Variants in IDO2 observed in about 807,000 individuals in gnomAD.
IDO2 encodes indoleamine 2,3-dioxygenase 2.
In IDO2, 46 loss-of-function variants were observed where a neutral mutation model predicts 45.1. The observed-to-expected ratio is 1.02, with a 90% CI of 0.80 to 1.30. IDO2 has a LOEUF of 1.30. IDO2 is among the 50% of genes most tolerant of loss of function. The pLI is 0.00. For synonymous variants in IDO2, 218 were observed against 184.9 expected (o/e 1.18, Z -1.45); for missense variants, 544 against 491.8 (o/e 1.11, Z -1.00).
At chr8:39,988,858 T>C (rs1460426880) in intron 7 of IDO2, among the ~76,000 whole-genome samples, 1 of 152,136 alleles carries the variant, frequency 6.6e-6, no homozygotes, top group African/African-American at 2.4e-5. Context: ...ATGTGTTTAG[T>C]CCATTAGAAG....
chr8:39,968,332 T>C (rs1327598670), intron 3 of IDO2, among the ~76,000 whole-genome samples: 1 of 152,176 alleles, frequency 6.6e-6, no homozygotes, highest in Non-Finnish European at 1.5e-5. Context: ...GGATTAAATA[T>C]AGCTTTATGG....
At chr8:39,978,239 A>C (rs1808291479) in intron 3 of IDO2, among the ~76,000 whole-genome samples, 1 of 152,054 alleles carries the variant, frequency 6.6e-6, no homozygotes, top group Non-Finnish European at 1.5e-5. Flanking sequence ...AGGACAACAA[A>C]AACACCCCCT....
intron 8 of IDO2, among the ~76,000 whole-genome samples, chr8:40,001,182 C>T (rs1563440118): frequency 6.6e-6 from 1 of 151,078 alleles, no homozygotes; most frequent in Non-Finnish European, 1.5e-5. Flanking sequence ...CTCTCTCTCT[C>T]TCTCTGTGTA....
intron 8 of IDO2, among the ~76,000 whole-genome samples, chr8:40,005,114 G>A (rs1239354773): frequency 6.6e-6 from 1 of 152,142 alleles, no homozygotes; most frequent in Admixed American, 6.6e-5. Context: ...AAATAGCAAA[G>A]GGCAACATAT....
At chr8:39,996,616 A>G (rs1409409259) in intron 8 of IDO2, among the ~76,000 whole-genome samples, 1 of 149,460 alleles carries the variant, frequency 6.7e-6, no homozygotes, top group Non-Finnish European at 1.5e-5. Flanking sequence ...CTTTATTTCT[A>G]CCATCTCTTG....
chr8:39,959,931 A>G (rs192206489), intron 2 of IDO2, among the ~76,000 whole-genome samples: 1 of 152,290 alleles, frequency 6.6e-6, no homozygotes, highest in Admixed American at 6.5e-5. Flanking sequence ...GTGAGCTGAG[A>G]TCGCACCACT....
At chr8:39,935,109 T>C in exon 1 of IDO2, 2 of 1,088,844 alleles carry the variant, frequency 1.8e-6, no homozygotes, top group Middle Eastern at 3.9e-4. Context: ...TGTACCATAA[T>C]ACAGAAGGCA....
rs767203401 is a variant in IDO2 at position 40,015,230 on chromosome 8, T to C, written c.869-17T>C. On this transcript the variant is annotated splice_polypyrimidine_tract_variant and intron_variant, in intron 10 of 10. Transcript: ENST00000502986. ...TCCATGTGGAGCTATGACGTTATGC[T>C]GTATTGTTTCTTTCAGGTGACTTTC... 3.6e-6 allele frequency: 5 copies of C among 1,384,672 alleles called. No individual in the cohort carries two copies. The highest frequency in any genetic ancestry group is 5.1e-6 in the Non-Finnish European group (5 of 985,060). The allele number at this position is 1,384,672 out of a possible 1,614,324, so 85.8% of individuals were successfully genotyped here. A position where few individuals can be genotyped will look rare whatever the true frequency, so the allele number is the denominator to read the frequency against.
rs1331062955 is a variant in IDO2, at chr8:39,988,112, C to G, written c.549+142C>G. The stretch of plus-strand genomic sequence containing the variant: ...TTAGTTCAAGTCTGAGAGAAGAGAT[C>G]TAAGCTCTAGGCCACCATATTTGCT... On this transcript the variant is annotated intron_variant, in intron 7 of 10. Transcript: ENST00000502986. The G allele has an allele frequency of 7.1e-6, 4 of 564,124 alleles. No individual in the cohort carries two copies. In the East Asian group the frequency reaches 1.1e-4, roughly 16 times the overall value. 34.9% of individuals were successfully genotyped at this position (564,124 alleles called of 1,614,324 possible).
At chr8:39,954,742 G>A (rs1180932059) in intron 2 of IDO2, among the ~76,000 whole-genome samples, 1 of 135,130 alleles carries the variant, frequency 7.4e-6, no homozygotes, top group East Asian at 2.2e-4. Flanking sequence ...TGCAACCTTT[G>A]CCTCCCGGGT....
chr8:39,937,440 T>G (rs1232692661), intron 1 of IDO2, among the ~76,000 whole-genome samples: 1 of 152,218 alleles, frequency 6.6e-6, no homozygotes, highest in Non-Finnish European at 1.5e-5. Flanking sequence ...TTTTGTTGGC[T>G]TAAAGGGAAT....
chr8:39,990,930 TAGG>T (rs1808489077), intron 8 of IDO2, among the ~76,000 whole-genome samples: 1 of 152,128 alleles, frequency 6.6e-6, no homozygotes, highest in South Asian at 2.1e-4. Flanking sequence ...TGTATGTGTT[TAGG>T]AGGATGTGAG....
intron 5 of IDO2, among the ~76,000 whole-genome samples, chr8:39,983,266 T>A (rs1042333683): frequency 2.0e-5 from 3 of 152,192 alleles, no homozygotes; most frequent in Non-Finnish European, 4.4e-5. Context: ...GGGCTGGGAA[T>A]AGGGGCATTT....
intron 5 of IDO2, among the ~76,000 whole-genome samples, chr8:39,984,107 A>G (rs1425572412): frequency 1.3e-5 from 2 of 152,232 alleles, no homozygotes; most frequent in East Asian, 3.8e-4. Context: ...AATAAGCTGG[A>G]TTTATTACTC....
chr8:39,974,243 T>C lies in IDO2; in HGVS notation c.196-4824T>C, dbSNP rs112993914. On this transcript the variant is annotated intron_variant, in intron 3 of 10. Transcript: ENST00000502986. Reference sequence around the variant, plus strand: ...AATAGAGGACCTACATACAGACCCATGTGTGTATGGAATACATACTAAACA... The same window carrying C: ...AATAGAGGACCTACATACAGACCCACGTGTGTATGGAATACATACTAAACA... Among the ~76,000 whole-genome samples the C allele has an allele frequency of 3.0e-3, 457 of 152,102 alleles. 4 individuals are homozygous for C. The highest frequency in any genetic ancestry group is 9.5e-3 in the African/African-American group (393 of 41,520).
chr8:39,987,800 G>T, intron 6 of IDO2, 71 bp from the exon 7 acceptor site: 3 of 862,676 alleles, frequency 3.5e-6, no homozygotes, highest in Non-Finnish European at 3.8e-6. Flanking sequence ...AACTCGGCAG[G>T]GAACTCTGGG....
chr8:39,940,378 G>A (rs1807625321), intron 1 of IDO2, among the ~76,000 whole-genome samples: 1 of 152,298 alleles, frequency 6.6e-6, no homozygotes, highest in East Asian at 1.9e-4. Context: ...GTTGGATATG[G>A]GTTCTGTTTT....
intron 3 of IDO2, among the ~76,000 whole-genome samples, chr8:39,974,033 C>T (rs1002842396): frequency 1.3e-5 from 2 of 152,120 alleles, no homozygotes; most frequent in African/African-American, 4.8e-5. Flanking sequence ...AGCCACTGTG[C>T]CCAGCCAAAA....
At chr8:39,977,831 G>T (rs1001975446) in intron 3 of IDO2, among the ~76,000 whole-genome samples, 7 of 152,088 alleles carry the variant, frequency 4.6e-5, no homozygotes, top group African/African-American at 1.7e-4. Context: ...GCACATAGTC[G>T]GTGTATACAT....
Sources: allele counts gnomAD v4.1 joint callset (sites outside exome capture counted in the v4.1 genomes callset), GRCh38; gene constraint gnomAD v4.1.1; transcripts MANE v1.5; gene names NCBI Gene and HGNC (gene_info 2026-07-23, HGNC 2026-07-21).